Variants in TMEM170B observed in about 807,000 individuals in gnomAD.
TMEM170B encodes transmembrane protein 170B.
In TMEM170B, 6 loss-of-function variants were observed where a neutral mutation model predicts 13.0. That is an observed-to-expected ratio of 0.46 (90% CI 0.25 to 0.91). The LOEUF is 0.91. Among genes scored for constraint, TMEM170B ranks in the 40% least tolerant of loss-of-function variants. The pLI is 0.17. For synonymous variants in TMEM170B, 61 were observed against 64.9 expected, an observed-to-expected ratio of 0.94 and a Z score of 0.29; for missense variants, 138 against 165.2, an observed-to-expected ratio of 0.84 and a Z score of 0.90.
At chr6:11,563,851 T>C (rs1348314556) in intron 1 of TMEM170B, among the ~76,000 whole-genome samples, 1 of 152,168 alleles carries the variant, frequency 6.6e-6, no homozygotes, top group African/African-American at 2.4e-5. Context: ...ACATGTGTAG[T>C]TGTAGCTACT....
In TMEM170B at chr6:11,575,665, C is replaced by T; in HGVS notation, c.*104C>T. On this transcript the variant is annotated 3_prime_UTR_variant, in exon 3 of 3. Coordinates refer to ENST00000379426, the MANE Select transcript of TMEM170B (RefSeq NM_001100829.3). The surrounding 1 kb of genome is among the most constrained non-coding windows in gnomAD (Gnocchi z 4.1). ...AAATGAAATTGTGCAAGAATGTGGA[C>T]TGAGCAGGTCAAAGCATAAGGAAGA... 1 of 1,409,166 alleles carries T rather than the reference C, an allele frequency of 7.1e-7. No homozygotes were observed. Among genetic ancestry groups the T allele is most frequent in the Non-Finnish European group, 9.8e-7 (1 of 1,015,684 alleles). 87.3% of individuals were successfully genotyped at this position (1,409,166 alleles called of 1,614,324 possible). A position where few individuals can be genotyped will look rare whatever the true frequency, so the allele number is the denominator to read the frequency against.
rs1489629355 is a variant in TMEM170B at position 11,583,066 on chromosome 6, A to T, written c.*7505A>T. ...TATAGCATAATTTCCTGGAGAACAC[A>T]AATTTTGCAGTGAATTTTAAGTAAT... On this transcript the variant is annotated 3_prime_UTR_variant, in exon 3 of 3. Transcript: ENST00000379426. The T allele has an allele frequency of 6.6e-6, 1 of 152,194 alleles. No individual in the cohort carries two copies. Among genetic ancestry groups the T allele is most frequent in the African/African-American group, 2.4e-5 (1 of 41,452 alleles). The allele number at this position is 152,194 out of a possible 1,614,324, so 9.4% of individuals were successfully genotyped here.
chr6:11,557,277 A>G (rs906258017), intron 1 of TMEM170B, among the ~76,000 whole-genome samples: 9 of 152,198 alleles, frequency 5.9e-5, no homozygotes, highest in African/African-American at 2.2e-4. Flanking sequence ...ATTTTTTGCA[A>G]ATTTTTATAT....
At chr6:11,548,400 G>A (rs1228916202) in intron 1 of TMEM170B, among the ~76,000 whole-genome samples, 4 of 152,132 alleles carry the variant, frequency 2.6e-5, no homozygotes, top group African/African-American at 7.2e-5. Flanking sequence ...CAGTTAGAAT[G>A]GCGATCATTA....
chr6:11,573,468 A>G (rs1759831374), intron 2 of TMEM170B, among the ~76,000 whole-genome samples: 1 of 152,156 alleles, frequency 6.6e-6, no homozygotes, highest in African/African-American at 2.4e-5. Context: ...GCACTTGACA[A>G]GTGTCATCTC....
chr6:11,569,964 T>C (rs1428641728), intron 2 of TMEM170B, among the ~76,000 whole-genome samples: 1 of 152,136 alleles, frequency 6.6e-6, no homozygotes, highest in Admixed American at 6.5e-5. Flanking sequence ...TAGGTCCCTC[T>C]TGTTACTTTC....
chr6:11,549,066 A>G (rs1759481493), intron 1 of TMEM170B, among the ~76,000 whole-genome samples: 1 of 152,188 alleles, frequency 6.6e-6, no homozygotes, highest in Non-Finnish European at 1.5e-5. Flanking sequence ...TAGAACTTAA[A>G]GTATAATAAT....
chr6:11,553,065 T>C (rs1759546151), intron 1 of TMEM170B, among the ~76,000 whole-genome samples: 1 of 152,124 alleles, frequency 6.6e-6, no homozygotes, highest in Non-Finnish European at 1.5e-5. Context: ...AGTTTCGGTC[T>C]TAGTTGATAA....
intron 1 of TMEM170B, among the ~76,000 whole-genome samples, chr6:11,548,191 A>G (rs1254008548): frequency 1.3e-5 from 2 of 152,214 alleles, no homozygotes; most frequent in East Asian, 1.9e-4. Context: ...CCATCTGACA[A>G]AGGGCTAATA....
intron 1 of TMEM170B, among the ~76,000 whole-genome samples, chr6:11,555,722 T>C (rs1002145387): frequency 1.3e-5 from 2 of 152,226 alleles, no homozygotes; most frequent in Non-Finnish European, 2.9e-5. Flanking sequence ...ATAATTATTA[T>C]AAAGTCTCTG....
chr6:11,549,686 G>T (rs1020475754), intron 1 of TMEM170B, among the ~76,000 whole-genome samples: 2 of 151,762 alleles, frequency 1.3e-5, no homozygotes, highest in Non-Finnish European at 2.9e-5. Flanking sequence ...GAAAAAAGAG[G>T]CCTCATTAGA....
rs898535983 is a variant in TMEM170B, at chr6:11,579,302, C to G, written c.*3741C>G. The G allele has an allele frequency of 1.3e-5, 2 of 152,192 alleles. No individual in the cohort carries two copies. The highest frequency in any genetic ancestry group is 4.8e-5 in the African/African-American group (2 of 41,452). 9.4% of individuals were successfully genotyped at this position (152,192 alleles called of 1,614,324 possible). A position where few individuals can be genotyped will look rare whatever the true frequency, so the allele number is the denominator to read the frequency against. On this transcript the variant is annotated 3_prime_UTR_variant, in exon 3 of 3. Coordinates refer to ENST00000379426, the MANE Select transcript of TMEM170B (RefSeq NM_001100829.3). The stretch of plus-strand genomic sequence containing the variant: ...CAACTTTTTGACCTTGAGCAAATCA[C>G]TTAACTTCTCTGAGCCTCAGTTCAT...
chr6:11,557,807 A>C (rs1262452678), intron 1 of TMEM170B, among the ~76,000 whole-genome samples: 1 of 152,210 alleles, frequency 6.6e-6, no homozygotes, highest in Non-Finnish European at 1.5e-5. Flanking sequence ...AGTTCTCCTA[A>C]ATATTTCTCA....
chr6:11,561,328 A>G (rs1283658681), intron 1 of TMEM170B, among the ~76,000 whole-genome samples: 1 of 152,058 alleles, frequency 6.6e-6, no homozygotes, highest in Non-Finnish European at 1.5e-5. Context: ...GTGGGGTATG[A>G]GTGGAGAGAG....
Position 11,575,670 on chromosome 6 carries a change from C to A in TMEM170B, c.*109C>A. 7.4e-7 allele frequency: 1 copy of A among 1,345,356 alleles called. No homozygotes were observed. The highest frequency in any genetic ancestry group is 1.0e-6 in the Non-Finnish European group (1 of 964,008). 83.3% of individuals were successfully genotyped at this position (1,345,356 alleles called of 1,614,324 possible). On this transcript the variant is annotated 3_prime_UTR_variant, in exon 3 of 3. Coordinates refer to ENST00000379426, the MANE Select transcript of TMEM170B (RefSeq NM_001100829.3). The surrounding 1 kb of genome is among the most constrained non-coding windows in gnomAD (Gnocchi z 4.1). ...AAATTGTGCAAGAATGTGGACTGAG[C>A]AGGTCAAAGCATAAGGAAGACCTTG...
chr6:11,573,401 A>G (rs542790499), intron 2 of TMEM170B, among the ~76,000 whole-genome samples: 3 of 152,288 alleles, frequency 2.0e-5, no homozygotes, highest in East Asian at 3.9e-4. Context: ...CTTTACTACT[A>G]TGACGACTAC....
rs926892644 is a variant in TMEM170B, at chr6:11,537,816, C to A, written c.-462C>A. 6.6e-6 allele frequency among the ~76,000 whole-genome samples: 1 copy of A among 151,604 alleles called. No homozygotes were observed. Among genetic ancestry groups the A allele is most frequent in the East Asian group, 2.0e-4 (1 of 5,116 alleles). On this transcript the variant is annotated 5_prime_UTR_variant, in exon 1 of 3. Coordinates refer to ENST00000379426, the MANE Select transcript of TMEM170B (RefSeq NM_001100829.3). ...GTGCCGCCGCAGCCTCTGGCTGGTC[C>A]CGCGTCTCCGTCCTCCGGCGGCGAT...
Position 11,575,288 on chromosome 6 carries a change from A to T in TMEM170B, c.269-143A>T. 8.6e-7 allele frequency: 1 copy of T among 1,168,322 alleles called. No homozygotes were observed. Among genetic ancestry groups the T allele is most frequent in the Middle Eastern group, 3.0e-4 (1 of 3,340 alleles). 72.4% of individuals were successfully genotyped at this position (1,168,322 alleles called of 1,614,324 possible). A position where few individuals can be genotyped will look rare whatever the true frequency, so the allele number is the denominator to read the frequency against. On this transcript the variant is annotated intron_variant, in intron 2 of 2. Transcript: ENST00000379426. The surrounding 1 kb of genome is among the most constrained non-coding windows in gnomAD (Gnocchi z 4.1). ...TGTAACTTTCACCAATCACAGGGAA[A>T]CTTTTTCATAGAAAGTGGATAAAAT... is the stretch of plus-strand genomic sequence containing the variant.
At chr6:11,572,823 A>T (rs1400750798) in intron 2 of TMEM170B, among the ~76,000 whole-genome samples, 1 of 152,098 alleles carries the variant, frequency 6.6e-6, no homozygotes, top group Non-Finnish European at 1.5e-5. Flanking sequence ...ATACATATGT[A>T]TGTATGTACT....
Sources: gnomAD v4.1 joint callset for allele counts (sites outside exome capture counted in the v4.1 genomes callset) on GRCh38, gnomAD v4.1.1 for gene constraint, Gnocchi (gnomAD v3.1) non-coding constraint, MANE v1.5 for transcripts, NCBI Gene and HGNC (gene_info 2026-07-23, HGNC 2026-07-21) for gene names.